Variants in DIAPH3 observed in about 807,000 individuals in gnomAD.
DIAPH3 encodes the protein protein diaphanous homolog 3.
In DIAPH3, 117 loss-of-function variants were observed where a neutral mutation model predicts 144.3. The ratio of observed to expected loss-of-function variants is 0.81; its 90% CI spans 0.70 to 0.95. The LOEUF (loss-of-function observed/expected upper bound fraction) is 0.95. DIAPH3 is among the 40% of genes least tolerant of loss of function. The pLI, the probability that DIAPH3 is intolerant of heterozygous loss-of-function variation, is 0.00. For synonymous variants in DIAPH3, 519 were observed against 488.9 expected (o/e 1.06, Z -0.81); for missense variants, 1,421 against 1,412.7 (o/e 1.01, Z -0.09).
intron 27 of DIAPH3, among the ~76,000 whole-genome samples, chr13:59,759,895 C>T (rs982727855): frequency 3.3e-5 from 5 of 152,062 alleles, no homozygotes; most frequent in African/African-American, 9.6e-5. Flanking sequence ...TGCAGTGAGC[C>T]GAGATCGCGC....
intron 4 of DIAPH3, among the ~76,000 whole-genome samples, chr13:60,086,791 C>G (rs1483971164): frequency 1.3e-5 from 2 of 152,008 alleles, no homozygotes; most frequent in African/African-American, 2.4e-5. Flanking sequence ...TAACTGAAAG[C>G]AAGAAAAACT....
At chr13:60,054,591 G>C (rs572679075) in intron 4 of DIAPH3, among the ~76,000 whole-genome samples, 152 of 152,086 alleles carry the variant, frequency 1.0e-3, no homozygotes, top group African/African-American at 3.4e-3. Context: ...TTGTGAAGAA[G>C]AATGAGATGA....
intron 24 of DIAPH3, among the ~76,000 whole-genome samples, chr13:59,816,288 T>C (rs1377846835): frequency 6.6e-6 from 1 of 152,038 alleles, no homozygotes; most frequent in African/African-American, 2.4e-5. Context: ...AGGCCAAGTA[T>C]TTATTTCAAA....
rs1951825281 is a variant in DIAPH3, at chr13:60,152,320, G to A, written c.180+11267C>T. ...TGTGTACTTAGACCACAGCTACTTG[G>A]ATATATCCCACATCCCTCAGCACAC... On this transcript the variant is annotated intron_variant, in intron 1 of 27. Coordinates refer to ENST00000400324, the MANE Select transcript of DIAPH3 (RefSeq NM_001042517.2). 2.0e-5 allele frequency among the ~76,000 whole-genome samples: 3 copies of A among 151,826 alleles called. No homozygotes were observed. In the South Asian group the frequency reaches 6.2e-4, roughly 32 times the overall value.
At chr13:59,797,491 A>G (rs2039675598) in intron 25 of DIAPH3, among the ~76,000 whole-genome samples, 1 of 152,206 alleles carries the variant, frequency 6.6e-6, no homozygotes, top group Admixed American at 6.5e-5. Flanking sequence ...ATGGTCACAA[A>G]AGCAAATCAC....
chr13:59,880,517 G>A (rs1049758918), intron 20 of DIAPH3, among the ~76,000 whole-genome samples: 1 of 152,070 alleles, frequency 6.6e-6, no homozygotes, highest in Admixed American at 6.6e-5. Flanking sequence ...CCTGTAGGAT[G>A]CCAAATATAA....
chr13:59,899,658 T>C (rs1168238821), intron 20 of DIAPH3, among the ~76,000 whole-genome samples: 2 of 152,208 alleles, frequency 1.3e-5, no homozygotes, highest in Non-Finnish European at 2.9e-5. Flanking sequence ...TGGGAAGTCA[T>C]TGTAGGGTTA....
At chr13:60,058,075 CAAAAG>C (rs1474568892) in intron 4 of DIAPH3, among the ~76,000 whole-genome samples, 2 of 151,324 alleles carry the variant, frequency 1.3e-5, no homozygotes, top group East Asian at 3.9e-4. Flanking sequence ...TTCTGCATAA[CAAAAG>C]AAATCATCAG....
intron 1 of DIAPH3, among the ~76,000 whole-genome samples, chr13:60,145,815 A>G (rs990886347): frequency 7.9e-5 from 12 of 151,810 alleles, no homozygotes; most frequent in Admixed American, 7.2e-4. Flanking sequence ...TTTCTCATTT[A>G]TAGATTTTTA....
At chr13:60,014,014 A>C (rs988465967) in intron 7 of DIAPH3, among the ~76,000 whole-genome samples, 2 of 152,186 alleles carry the variant, frequency 1.3e-5, no homozygotes, top group African/African-American at 4.8e-5. Context: ...ATCTCTTAAG[A>C]GAAAAATAGT....
chr13:59,883,325 T>C (rs1171732274), intron 20 of DIAPH3, among the ~76,000 whole-genome samples: 1 of 152,216 alleles, frequency 6.6e-6, no homozygotes, highest in African/African-American at 2.4e-5. Context: ...ATCAACTTTG[T>C]TTAACACCAT....
chr13:59,819,896 A>T (rs1002936081), intron 24 of DIAPH3, among the ~76,000 whole-genome samples: 2 of 151,950 alleles, frequency 1.3e-5, no homozygotes, highest in African/African-American at 4.8e-5. Flanking sequence ...ACTATGCCTC[A>T]GTTTCCTCTA....
intron 12 of DIAPH3, among the ~76,000 whole-genome samples, chr13:59,989,143 G>A (rs187241268): frequency 1.6e-4 from 25 of 151,794 alleles, no homozygotes; most frequent in Admixed American, 5.9e-4. Context: ...AATGTTACAG[G>A]TTATCTAAGA....
At chr13:59,988,030 C>T (rs1451230566) in intron 12 of DIAPH3, among the ~76,000 whole-genome samples, 1 of 151,750 alleles carries the variant, frequency 6.6e-6, no homozygotes. Context: ...TTAGACTTTC[C>T]TTTCCATAAA....
chr13:60,009,682 C>T (rs1348090156), intron 8 of DIAPH3, among the ~76,000 whole-genome samples: 1 of 152,144 alleles, frequency 6.6e-6, no homozygotes, highest in Non-Finnish European at 1.5e-5. Context: ...GGGCAGACTG[C>T]CAGGCTGAGG....
At chr13:60,083,676 C>T (rs1009242808) in intron 4 of DIAPH3, among the ~76,000 whole-genome samples, 4 of 152,116 alleles carry the variant, frequency 2.6e-5, no homozygotes, top group African/African-American at 9.6e-5. Flanking sequence ...TTTGTGGCCC[C>T]CATGGATCTA....
intron 25 of DIAPH3, among the ~76,000 whole-genome samples, chr13:59,775,399 C>T (rs947698317): frequency 1.3e-5 from 2 of 152,006 alleles, no homozygotes; most frequent in Non-Finnish European, 2.9e-5. Flanking sequence ...CCTGCCACCA[C>T]GCCCGGCTAA....
chr13:59,786,023 T>C (rs1383431607), intron 25 of DIAPH3, among the ~76,000 whole-genome samples: 2 of 152,078 alleles, frequency 1.3e-5, no homozygotes, highest in African/African-American at 4.8e-5. Context: ...GGATAAAACA[T>C]ACGGCTTGCT....
intron 4 of DIAPH3, among the ~76,000 whole-genome samples, chr13:60,069,171 G>GC (rs1180817844): frequency 2.6e-5 from 4 of 152,136 alleles, no homozygotes; most frequent in Non-Finnish European, 5.9e-5. Context: ...TTTAATAACA[G>GC]CCATTCCGAC....
Sources: gnomAD v4.1 joint callset for allele counts (sites outside exome capture counted in the v4.1 genomes callset) on GRCh38, gnomAD v4.1.1 for gene constraint, MANE v1.5 for transcripts, NCBI Gene and HGNC (gene_info 2026-07-23, HGNC 2026-07-21) for gene names.